The following SH3GL3 variants were observed in gnomAD, a reference collection of about 807,000 sequenced individuals.
The protein encoded by SH3GL3 is endophilin-A3.
SH3GL3 carries 33 observed loss-of-function variants against 47.7 expected under a neutral mutation model. The ratio of observed to expected loss-of-function variants is 0.69; its 90% CI spans 0.52 to 0.92. The LOEUF is 0.92. Among genes scored for constraint, SH3GL3 ranks in the 40% least tolerant of loss-of-function variants. SH3GL3 has a pLI of 0.00. For missense variants in SH3GL3, 363 were observed against 417.8 expected (o/e 0.87, Z 1.14); for synonymous variants, 155 against 148.8 (o/e 1.04, Z -0.30).
In SH3GL3 at chr15:83,575,587, G is replaced by T. The variant is rs146814700; in HGVS notation, c.466-996G>T. On this transcript the variant is annotated intron_variant, in intron 5 of 8. Coordinates refer to ENST00000427482, the MANE Select transcript of SH3GL3 (RefSeq NM_003027.5). ...CAGGGGCCTGTTCATTTGACATACG[G>T]CTGACTTTCAGGTGTTCATGTAGAG... Among the ~76,000 whole-genome samples the T allele has an allele frequency of 7.9e-3, 1,202 of 152,236 alleles. 13 individuals are homozygous for T. The highest frequency in any genetic ancestry group is 0.011 in the Non-Finnish European group (752 of 68,004).
At chr15:83,568,107 C>T (rs574469857) in intron 3 of SH3GL3, among the ~76,000 whole-genome samples, 18 of 151,996 alleles carry the variant, frequency 1.2e-4, no homozygotes, top group Admixed American at 4.6e-4. Context: ...CTCAGCCTCC[C>T]GAGTAGCTAG....
chr15:83,462,614 A>C (rs1368430382), intron 1 of SH3GL3, among the ~76,000 whole-genome samples: 1 of 152,226 alleles, frequency 6.6e-6, no homozygotes, highest in African/African-American at 2.4e-5. Flanking sequence ...ACTATTGCAT[A>C]AACTAGATTT....
chr15:83,622,389 T>C (rs193281826), downstream of SH3GL3, among the ~76,000 whole-genome samples: 100 of 152,342 alleles, frequency 6.6e-4, no homozygotes, highest in African/African-American at 2.4e-3. Context: ...ACATTAGGAA[T>C]TTACCAAAGG....
chr15:83,573,816 G>A (rs2059597906), intron 5 of SH3GL3, among the ~76,000 whole-genome samples: 1 of 152,228 alleles, frequency 6.6e-6, no homozygotes, highest in South Asian at 2.1e-4. Flanking sequence ...CTACAGTGGT[G>A]GTGGGCACTG....
At chr15:83,593,880 G>T (rs77337411) in intron 8 of SH3GL3, among the ~76,000 whole-genome samples, 206 of 151,940 alleles carry the variant, frequency 1.4e-3, no homozygotes, top group African/African-American at 4.8e-3. Context: ...GTGCAGTGGC[G>T]CAGTCGCAGC....
At chr15:83,591,458 T>C (rs542407983) in intron 8 of SH3GL3, among the ~76,000 whole-genome samples, 76 of 136,244 alleles carry the variant, frequency 5.6e-4, no homozygotes, top group Middle Eastern at 7.2e-3. Flanking sequence ...TCCAACCTTA[T>C]GGCTATCCTT....
intron 1 of SH3GL3, among the ~76,000 whole-genome samples, chr15:83,526,915 C>G (rs1165647470): frequency 6.6e-6 from 1 of 152,012 alleles, no homozygotes; most frequent in Non-Finnish European, 1.5e-5. Context: ...TGTAATTTTC[C>G]TTGTAGAGAT....
At chr15:83,592,856 C>T (rs1222394455) in intron 8 of SH3GL3, among the ~76,000 whole-genome samples, 1 of 152,150 alleles carries the variant, frequency 6.6e-6, no homozygotes, top group Non-Finnish European at 1.5e-5. Context: ...AAACTGGCTA[C>T]CCTCATCTCT....
rs993884520 is a variant in SH3GL3 at position 83,615,446 on chromosome 15, C to A, written c.839-2636C>A. Reference sequence around the variant, plus strand: ...CCTCCTGCCTCAGCCTCTTGAGTAGCTGGGATTACAGACATGCGCTACCAT... The same window carrying A: ...CCTCCTGCCTCAGCCTCTTGAGTAGATGGGATTACAGACATGCGCTACCAT... On this transcript the variant is annotated intron_variant, in intron 8 of 8. Transcript: ENST00000427482. 4.6e-5 allele frequency among the ~76,000 whole-genome samples: 7 copies of A among 152,210 alleles called. No homozygotes were observed. The East Asian group carries it at 1.4e-3, about 29-fold the overall frequency.
At chr15:83,588,381 CT>C (rs1237327867) in intron 7 of SH3GL3, among the ~76,000 whole-genome samples, 1 of 152,220 alleles carries the variant, frequency 6.6e-6, no homozygotes, top group African/African-American at 2.4e-5. Context: ...GCACCTTGGC[CT>C]CCCAAAGTGC....
At chr15:83,513,998 T>C (rs2042880575) in intron 1 of SH3GL3, among the ~76,000 whole-genome samples, 1 of 152,182 alleles carries the variant, frequency 6.6e-6, no homozygotes, top group South Asian at 2.1e-4. Context: ...ATTTTTTCCA[T>C]GCTTTGTTCT....
At chr15:83,482,800 T>C (rs1020740125) in intron 1 of SH3GL3, among the ~76,000 whole-genome samples, 2 of 152,172 alleles carry the variant, frequency 1.3e-5, no homozygotes, top group Non-Finnish European at 2.9e-5. Context: ...CTGAGCCTTC[T>C]TAAGTTTTGA....
chr15:83,623,801 T>C, the SH3GL3 span, among the ~76,000 whole-genome samples: 1 of 152,206 alleles, frequency 6.6e-6, no homozygotes, highest in Non-Finnish European at 1.5e-5. Flanking sequence ...GGCTTTTTTT[T>C]TGAGATGGAG....
At chr15:83,528,256 A>T (rs939240362) in intron 1 of SH3GL3, among the ~76,000 whole-genome samples, 1 of 152,192 alleles carries the variant, frequency 6.6e-6, no homozygotes, top group African/African-American at 2.4e-5. Context: ...GGCTTTTGAC[A>T]GTATGCTACA....
At chr15:83,609,756 C>T (rs2060615925) in intron 8 of SH3GL3, among the ~76,000 whole-genome samples, 1 of 152,054 alleles carries the variant, frequency 6.6e-6, no homozygotes, top group East Asian at 1.9e-4. Context: ...GAGAAGGATG[C>T]CCCTTGCGCC....
At chr15:83,522,512 C>T (rs1474169334) in intron 1 of SH3GL3, among the ~76,000 whole-genome samples, 1 of 152,196 alleles carries the variant, frequency 6.6e-6, no homozygotes, top group Non-Finnish European at 1.5e-5. Context: ...GTTTTGCTGA[C>T]CACATTTTGG....
At chr15:83,546,114 A>G (rs2044380464) in intron 1 of SH3GL3, among the ~76,000 whole-genome samples, 1 of 152,114 alleles carries the variant, frequency 6.6e-6, no homozygotes, top group South Asian at 2.1e-4. Context: ...CTTTCCCTTC[A>G]GGGCAGTGGA....
At chr15:83,456,586 C>T (rs1418106243) in intron 1 of SH3GL3, among the ~76,000 whole-genome samples, 1 of 119,390 alleles carries the variant, frequency 8.4e-6, no homozygotes, top group Non-Finnish European at 1.7e-5. Context: ...GTGCGTCCGT[C>T]ACCCCTTTCT....
chr15:83,620,025 C>T (rs2060908538), downstream of SH3GL3, among the ~76,000 whole-genome samples: 2 of 152,206 alleles, frequency 1.3e-5, no homozygotes, highest in African/African-American at 4.8e-5. Flanking sequence ...AGAGTAGATT[C>T]TATCTCAAGA....
Sources: gnomAD v4.1 joint callset for allele counts (sites outside exome capture counted in the v4.1 genomes callset) on GRCh38, gnomAD v4.1.1 for gene constraint, MANE v1.5 for transcripts, NCBI Gene and HGNC (gene_info 2026-07-23, HGNC 2026-07-21) for gene names.